Variants in MLX observed in about 807,000 individuals in gnomAD.
The protein encoded by MLX is max-like protein X.
Under a neutral mutation model 33.0 loss-of-function variants are expected in MLX, and 15 were observed. That is an observed-to-expected ratio of 0.45 (90% CI 0.30 to 0.70). The LOEUF is 0.70. MLX is among the 30% of genes least tolerant of loss of function. The pLI is 0.07. For missense variants in MLX, 285 were observed against 306.3 expected (o/e 0.93, Z 0.52); for synonymous variants, 115 against 115.6 (o/e 0.99, Z 0.03).
intron 7 of MLX, 62 bp downstream of exon 7, chr17:42,570,245 A>G (rs999734183): frequency 2.6e-6 from 4 of 1,537,754 alleles, no homozygotes; most frequent in Non-Finnish European, 3.6e-6. Context: ...AAGTGGCCCA[A>G]GCCATCAGCT....
At chr17:42,567,874 A>T in intron 2 of MLX, 1 of 604,674 alleles carries the variant, frequency 1.7e-6, no homozygotes, top group Non-Finnish European at 2.9e-6. Flanking sequence ...CTGATCACTC[A>T]CCACTCAGTG....
intron 7 of MLX, among the ~76,000 whole-genome samples, chr17:42,571,134 G>T (rs1012563749): frequency 6.7e-6 from 1 of 148,588 alleles, no homozygotes; most frequent in Non-Finnish European, 1.5e-5. Context: ...GTACTTCCTG[G>T]GGGCTTTTTT....
Position 42,572,355 on chromosome 17 carries a change from G to C in MLX, c.*752G>C. On this transcript the variant is annotated 3_prime_UTR_variant, in exon 8 of 8. Transcript: ENST00000435881. ...TTTTTCTAAATACCAATGCAGTTTTGCTACGGTTACAATTTTGAAATATTA... is the reference window on the plus strand; with the variant it reads ...TTTTTCTAAATACCAATGCAGTTTTCCTACGGTTACAATTTTGAAATATTA... 1 of 454,506 alleles carries C rather than the reference G, an allele frequency of 2.2e-6. No individual in the cohort carries two copies. Among genetic ancestry groups the C allele is most frequent in the Non-Finnish European group, 4.4e-6 (1 of 226,742 alleles). The allele number at this position is 454,506 out of a possible 1,614,324, so 28.2% of individuals were successfully genotyped here.
At position 42,569,253 on chromosome 17, in the gene MLX, A is replaced by T. The variant is rs2093021271; in HGVS notation, c.326A>T (p.Asp109Val). 1 of 1,614,152 alleles carries T rather than the reference A, an allele frequency of 6.2e-7. No individual in the cohort carries two copies. The change falls in exon 5 of 8, where the codon GAC (aspartate) becomes GTC (valine). Residue 109 changes from aspartate (D) to valine (V), a missense_variant. Coordinates refer to ENST00000435881, the MANE Select transcript of MLX (RefSeq NM_198204.2). ...ATCGTCCCCACTTGCCAGCAGCAGG[A>T]CTTCTCCATTGGCTCCCAAAAGCTC... ...QTIVPTCQQQ[D>V]FSIGSQKLSK...
rs777578702 is a variant in MLX, at chr17:42,573,139, C to T, written c.*1536C>T. On this transcript the variant is annotated 3_prime_UTR_variant, in exon 8 of 8. Coordinates refer to ENST00000435881, the MANE Select transcript of MLX (RefSeq NM_198204.2). ...TGCTTCTTGCTCTTGGGGTATCCTT[C>T]AAGTATTGCATCAGACAGCTCTGTA... The T allele has an allele frequency of 6.2e-7, 1 of 1,614,240 alleles. No individual in the cohort carries two copies. The highest frequency in any genetic ancestry group is 8.5e-7 in the Non-Finnish European group (1 of 1,180,056).
chr17:42,567,597 C>T (rs777314225), intron 1 of MLX, 22 bp from the exon 2 acceptor site: 4 of 1,613,878 alleles, frequency 2.5e-6, no homozygotes, highest in Non-Finnish European at 2.5e-6. Flanking sequence ...CTGACGGGCC[C>T]TTCCCGTGCT....
intron 1 of MLX, 96 bp downstream of exon 1, chr17:42,567,262 A>T: frequency 1.5e-6 from 2 of 1,336,260 alleles, no homozygotes; most frequent in Non-Finnish European, 1.9e-6. Context: ...TCCTGTCCCC[A>T]AAGTCCCCCA....
At position 42,568,522 on chromosome 17, in the gene MLX, C is replaced by T. The variant is rs2093018177; in HGVS notation, c.132C>T (p.Ser44=). Residue 44 remains serine (S), a synonymous_variant, in exon 3 of 8, where the codon AGC becomes AGT. Transcript: ENST00000435881. ...RKGSVVSRAN[S]IGSTSASSVP... ...GGAGTGTAGTGTCCAGAGCTAATAG[C>T]ATCGGTTCCACCAGTGCCTCTTCTG... is the stretch of plus-strand genomic sequence containing the variant. 6.2e-7 allele frequency: 1 copy of T among 1,613,904 alleles called. No homozygotes were observed. Among genetic ancestry groups the T allele is most frequent in the Non-Finnish European group, 8.5e-7 (1 of 1,179,894 alleles).
Position 42,568,481 on chromosome 17 carries a change from G to C in MLX, c.91G>C (p.Glu31Gln). ...DNSLDPGLFVESTRKGSVVSR... is the reference protein window; with the variant it reads ...DNSLDPGLFVQSTRKGSVVSR... The stretch of plus-strand genomic sequence containing the variant: ...CCTCTCTTTTCCAGGGCTTTTTGTA[G>C]AAAGCACCCGCAAGGGGAGTGTAGT... The change falls in exon 3 of 8, where the codon GAA becomes CAA. Residue 31 changes from glutamate (E) to glutamine (Q), a missense_variant. Transcript: ENST00000435881. 6.2e-7 allele frequency: 1 copy of C among 1,613,762 alleles called. No individual in the cohort carries two copies. The highest frequency in any genetic ancestry group is 8.5e-7 in the Non-Finnish European group (1 of 1,179,784).
chr17:42,571,698 CCT>C lies in MLX; in HGVS notation c.*97_*98del. 1 of 1,150,038 alleles carries C rather than the reference CCT, an allele frequency of 8.7e-7. No homozygotes were observed. Among genetic ancestry groups the C allele is most frequent in the Non-Finnish European group, 1.3e-6 (1 of 758,194 alleles). 71.2% of individuals were successfully genotyped at this position (1,150,038 alleles called of 1,614,324 possible). ...GGGCCCGGGAGACTGGACTACAACA[CCT>C]CACACTGGTCAGCTGGTTTCTACTT... On this transcript the variant is annotated 3_prime_UTR_variant, in exon 8 of 8. Coordinates refer to ENST00000435881, the MANE Select transcript of MLX (RefSeq NM_198204.2).
chr17:42,569,640 TTC>T, intron 6 of MLX, 34 bp downstream of exon 6: 1 of 1,540,188 alleles, frequency 6.5e-7, no homozygotes, highest in Admixed American at 1.7e-5. Context: ...GAACCAGAAC[TTC>T]TGAGGCAACT....
chr17:42,568,487 A>T lies in MLX; in HGVS notation c.97A>T (p.Thr33Ser), dbSNP rs547490527. 6.2e-7 allele frequency: 1 copy of T among 1,613,912 alleles called. No individual in the cohort carries two copies. Among genetic ancestry groups the T allele is most frequent in the Non-Finnish European group, 8.5e-7 (1 of 1,179,872 alleles). ...SLDPGLFVES[T>S]RKGSVVSRAN... ...TTTTCCAGGGCTTTTTGTAGAAAGCACCCGCAAGGGGAGTGTAGTGTCCAG... is the reference window on the plus strand; with the variant it reads ...TTTTCCAGGGCTTTTTGTAGAAAGCTCCCGCAAGGGGAGTGTAGTGTCCAG... The change falls in exon 3 of 8, where the codon ACC (threonine) becomes TCC (serine). Residue 33 changes from threonine to serine, a missense_variant. Coordinates refer to ENST00000435881, the MANE Select transcript of MLX (RefSeq NM_198204.2).
At chr17:42,567,235 A>G (rs2093011635) in intron 1 of MLX, 69 bp downstream of exon 1, 4 of 1,311,248 alleles carry the variant, frequency 3.1e-6, no homozygotes, top group Admixed American at 7.2e-5. Context: ...GGGGGGCCGG[A>G]AGACGAGGGG....
At chr17:42,568,417 T>C in intron 2 of MLX, 53 bp from the exon 3 acceptor site, 1 of 1,268,428 alleles carries the variant, frequency 7.9e-7, no homozygotes, top group Non-Finnish European at 1.1e-6. Flanking sequence ...TGTCTGAGGG[T>C]CTGGCAATGT....
At chr17:42,569,330 G>C (rs748046132) in intron 5 of MLX, 27 bp downstream of exon 5, 1 of 1,607,520 alleles carries the variant, frequency 6.2e-7, no homozygotes, top group Non-Finnish European at 8.5e-7. Context: ...CACTGGAGGG[G>C]ATGGAGCCAA....
chr17:42,567,527 A>AT, intron 1 of MLX, 92 bp from the exon 2 acceptor site: 3 of 1,591,042 alleles, frequency 1.9e-6, no homozygotes, highest in Non-Finnish European at 2.6e-6. Context: ...CCTTCCCGGA[A>AT]TGGGGGGCGC....
Position 42,572,411 on chromosome 17 carries a change from G to A in MLX, c.*808G>A, listed in dbSNP as rs1484746954. The A allele has an allele frequency of 2.2e-6, 1 of 454,602 alleles. No homozygotes were observed. The highest frequency in any genetic ancestry group is 2.3e-5 in the Admixed American group (1 of 42,564). 28.2% of individuals were successfully genotyped at this position (454,602 alleles called of 1,614,324 possible). A position where few individuals can be genotyped will look rare whatever the true frequency, so the allele number is the denominator to read the frequency against. On this transcript the variant is annotated 3_prime_UTR_variant, in exon 8 of 8. Coordinates refer to ENST00000435881, the MANE Select transcript of MLX (RefSeq NM_198204.2). The stretch of plus-strand genomic sequence containing the variant: ...GCCTCAAAATCACCCTTTCTGTCAA[G>A]CATATCTTGGCCTCTCCCATGTCTC...
At chr17:42,568,055 T>C (rs1034257900) in intron 2 of MLX, 4 of 252,982 alleles carry the variant, frequency 1.6e-5, no homozygotes, top group Non-Finnish European at 3.1e-5. Context: ...AGGGAAGAGG[T>C]CAGCATTTAA....
chr17:42,572,930 A>G lies in MLX; in HGVS notation c.*1327A>G. 1 of 1,608,944 alleles carries G rather than the reference A, an allele frequency of 6.2e-7. No homozygotes were observed. On this transcript the variant is annotated 3_prime_UTR_variant, in exon 8 of 8. Transcript: ENST00000435881. ...CAGTGCAAGACATCTCACTCTTCTG[A>G]CATCCTGCAGTCCCCACCAGTCCTG...
Sources: gnomAD v4.1 joint callset for allele counts (sites outside exome capture counted in the v4.1 genomes callset) on GRCh38, gnomAD v4.1.1 for gene constraint, MANE v1.5 for transcripts, NCBI Gene and HGNC (gene_info 2026-07-23, HGNC 2026-07-21) for gene names.